Variants in HSPA12A observed in about 807,000 individuals in gnomAD.
HSPA12A encodes the protein heat shock 70 kDa protein 12A.
Under a neutral mutation model 69.2 loss-of-function variants are expected in HSPA12A, and 28 were observed. The observed-to-expected ratio is 0.40, with a 90% CI of 0.30 to 0.55. The LOEUF (loss-of-function observed/expected upper bound fraction) is 0.55. Ranked by LOEUF, HSPA12A falls within the 20% of genes least tolerant of loss-of-function variation. The pLI is 0.38. For missense variants in HSPA12A, 686 were observed against 900.7 expected, an observed-to-expected ratio of 0.76 and a Z score of 3.05; for synonymous variants, 345 against 370.5, an observed-to-expected ratio of 0.93 and a Z score of 0.79.
chr10:116,834,917 CA>C (rs1845682373), intron 2 of HSPA12A: 2 of 1,211,890 alleles, frequency 1.7e-6, no homozygotes, highest in Admixed American at 8.5e-5. Flanking sequence ...TACTTACACA[CA>C]TTAGTTAATT....
chr10:116,704,750 T>C (rs1850190228), intron 3 of HSPA12A, among the ~76,000 whole-genome samples: 1 of 152,208 alleles, frequency 6.6e-6, no homozygotes, highest in Non-Finnish European at 1.5e-5. Context: ...GGATTCCCAT[T>C]TCACAGATGA....
intron 2 of HSPA12A, among the ~76,000 whole-genome samples, chr10:116,787,065 G>A (rs1174392197): frequency 7.2e-5 from 11 of 151,818 alleles, no homozygotes; most frequent in African/African-American, 2.4e-5. Flanking sequence ...ATTGGTCTGG[G>A]ATACTGTCGT....
At chr10:116,803,017 C>T (rs565436583) in intron 2 of HSPA12A, among the ~76,000 whole-genome samples, 3 of 151,760 alleles carry the variant, frequency 2.0e-5, no homozygotes, top group Non-Finnish European at 4.4e-5. Flanking sequence ...CAGAACAGGG[C>T]AAGAAATAAA....
rs1483010591 is a variant in HSPA12A, at chr10:116,676,159, G to A, written c.1390+240C>T. On this transcript the variant is annotated intron_variant, in intron 11 of 11. Transcript: ENST00000369209. Reference sequence around the variant, plus strand: ...AGCTCTCTGACTTTTGAGGCCAAACGGAAAGCTTGGGTGAGACAAGCTCTC... The same window carrying A: ...AGCTCTCTGACTTTTGAGGCCAAACAGAAAGCTTGGGTGAGACAAGCTCTC... Among the ~76,000 whole-genome samples, 59 of 152,116 alleles carry A rather than the reference G, an allele frequency of 3.9e-4. 1 individual carries two copies. Among genetic ancestry groups the A allele is most frequent in the Non-Finnish European group, 2.9e-5 (2 of 68,020 alleles).
At chr10:116,694,836 CT>C (rs1179404585) in intron 5 of HSPA12A, among the ~76,000 whole-genome samples, 1 of 152,162 alleles carries the variant, frequency 6.6e-6, no homozygotes, top group Non-Finnish European at 1.5e-5. Context: ...CCCTTCTGCC[CT>C]TTTGCCGCCT....
chr10:116,713,172 G>A (rs1850495415), intron 1 of HSPA12A, among the ~76,000 whole-genome samples: 1 of 150,508 alleles, frequency 6.6e-6, no homozygotes, highest in Non-Finnish European at 1.5e-5. Context: ...GTCATATGTA[G>A]GTTACTGGCA....
chr10:116,753,793 T>G (rs1432723822), intron 2 of HSPA12A, among the ~76,000 whole-genome samples: 1 of 152,128 alleles, frequency 6.6e-6, no homozygotes, highest in Admixed American at 6.5e-5. Flanking sequence ...AGTGAGGTGG[T>G]GCGTGTGGAG....
rs559107806 is a variant in HSPA12A at position 116,819,846 on chromosome 10, T to C, written c.91+15089A>G. Among the ~76,000 whole-genome samples the C allele has an allele frequency of 2.0e-5, 3 of 152,304 alleles. No homozygotes were observed. The East Asian group carries it at 5.8e-4, about 29-fold the overall frequency. On this transcript the variant is annotated intron_variant, in intron 2 of 12. Coordinates refer to the HSPA12A transcript ENST00000635765. ...CTTATAGGATTTTTTGGTTTTTTGTTTGTTTTTTGAGACAGGGCTGCCCAG... is the reference window on the plus strand; with the variant it reads ...CTTATAGGATTTTTTGGTTTTTTGTCTGTTTTTTGAGACAGGGCTGCCCAG...
At position 116,705,190 on chromosome 10, in the gene HSPA12A, T is replaced by C; in HGVS notation, c.215A>G (p.Tyr72Cys). Reference protein sequence around the residue: ...DFGTTSSGYAYSFTKEPECIH... With the variant: ...DFGTTSSGYACSFTKEPECIH... Reference sequence around the variant, plus strand: ...GCATTCCGGCTCCTTGGTGAAGCTGTAGGCATAGCCACTGGATGTGGTCCC... The same window carrying C: ...GCATTCCGGCTCCTTGGTGAAGCTGCAGGCATAGCCACTGGATGTGGTCCC... The change falls in exon 3 of 12, where the codon TAC (tyrosine) becomes TGC (cysteine). Residue 72 changes from tyrosine (Y) to cysteine (C), a missense_variant. Physicochemically the swap from Tyr to Cys is radical, Grantham distance 194 (BLOSUM62 -2). Transcript: ENST00000369209. The C allele has an allele frequency of 1.2e-6, 2 of 1,614,168 alleles. No individual in the cohort carries two copies. Among genetic ancestry groups the C allele is most frequent in the African/African-American group, 1.3e-5 (1 of 75,046 alleles).
intron 1 of HSPA12A, among the ~76,000 whole-genome samples, chr10:116,725,480 C>A (rs1204969180): frequency 6.6e-6 from 1 of 152,302 alleles, no homozygotes; most frequent in Admixed American, 6.5e-5. Flanking sequence ...TGGCCCCCAA[C>A]AGGCTGGGGG....
intron 2 of HSPA12A, among the ~76,000 whole-genome samples, chr10:116,755,875 C>T (rs1294591311): frequency 1.3e-5 from 2 of 151,210 alleles, no homozygotes; most frequent in Non-Finnish European, 2.9e-5. Context: ...TCTGTAGTCA[C>T]ATCTACTTGG....
chr10:116,806,974 G>GAC (rs200953537), intron 2 of HSPA12A, among the ~76,000 whole-genome samples: 1,871 of 152,314 alleles, frequency 0.012, 39 homozygotes, highest in African/African-American at 0.042. Context: ...AGATAGGAGA[G>GAC]ACACACAGGT....
At chr10:116,817,208 C>G (rs1414704764) in intron 2 of HSPA12A, among the ~76,000 whole-genome samples, 1 of 151,910 alleles carries the variant, frequency 6.6e-6, no homozygotes, top group Non-Finnish European at 1.5e-5. Flanking sequence ...AGAACAGAAA[C>G]TTCTACCGCC....
intron 2 of HSPA12A, among the ~76,000 whole-genome samples, chr10:116,807,223 G>A (rs1845086694): frequency 6.6e-6 from 1 of 151,418 alleles, no homozygotes; most frequent in Non-Finnish European, 1.5e-5. Context: ...TAGAGGGAGG[G>A]AGGAGAGAGG....
At chr10:116,773,372 G>T (rs782714826) in intron 2 of HSPA12A, among the ~76,000 whole-genome samples, 2 of 152,236 alleles carry the variant, frequency 1.3e-5, no homozygotes, top group Non-Finnish European at 2.9e-5. Flanking sequence ...CTCAGCTCTG[G>T]TCTGGTACCC....
intron 2 of HSPA12A, among the ~76,000 whole-genome samples, chr10:116,796,906 A>AT (rs1371029928): frequency 4.0e-5 from 6 of 151,770 alleles, no homozygotes; most frequent in Non-Finnish European, 8.8e-5. Flanking sequence ...TCACTATATC[A>AT]TTTTTCCGCC....
intron 1 of HSPA12A, among the ~76,000 whole-genome samples, chr10:116,836,090 T>C (rs1298283089): frequency 6.6e-6 from 1 of 152,110 alleles, no homozygotes; most frequent in African/African-American, 2.4e-5. Context: ...TGTCAGCAAA[T>C]TGAACCGAAC....
upstream of HSPA12A, among the ~76,000 whole-genome samples, chr10:116,850,689 C>G (rs1846053051): frequency 6.6e-6 from 1 of 152,064 alleles, no homozygotes; most frequent in Non-Finnish European, 1.5e-5. Flanking sequence ...ATGACTTTTT[C>G]CCACTCATGG....
chr10:116,792,405 G>C (rs569609201), intron 2 of HSPA12A, among the ~76,000 whole-genome samples: 2 of 151,946 alleles, frequency 1.3e-5, no homozygotes, highest in Admixed American at 1.3e-4. Context: ...AAGATATATG[G>C]GGGTGAGAAC....
Sources: gnomAD v4.1 joint callset for allele counts (sites outside exome capture counted in the v4.1 genomes callset) on GRCh38, gnomAD v4.1.1 for gene constraint, MANE v1.5 for transcripts, NCBI Gene and HGNC (gene_info 2026-07-23, HGNC 2026-07-21) for gene names.